Variants in C20orf203 observed in about 807,000 individuals in gnomAD.
The protein encoded by C20orf203 is chromosome 20 open reading frame 203, also known as uncharacterized protein C20orf203.
C20orf203 carries 16 observed loss-of-function variants against 15.9 expected under a neutral mutation model. The observed-to-expected ratio is 1.01, with a 90% CI of 0.68 to 1.53. C20orf203 has a LOEUF of 1.53. C20orf203 is among the 40% of genes most tolerant of loss of function. The pLI is 0.00. For synonymous variants in C20orf203, 98 were observed against 97.2 expected, an observed-to-expected ratio of 1.01 and a Z score of -0.05; for missense variants, 263 against 247.5, an observed-to-expected ratio of 1.06 and a Z score of -0.42.
In C20orf203 at chr20:32,651,168, TAAAAAAAA is replaced by T; in HGVS notation, c.-14-10_-14-3del. On this transcript the variant is annotated splice_polypyrimidine_tract_variant and splice_region_variant and intron_variant, in intron 2 of 5. Coordinates refer to ENST00000608990, the MANE Select transcript of C20orf203 (RefSeq NM_182584.4). ...TAGGAAACATAGGAGACCCTCTCTC[TAAAAAAAA>T]AAAAAAAAAAAAAAAAATTAGCTGG... 3.0e-5 allele frequency: 9 copies of T among 297,158 alleles called. No individual in the cohort carries two copies. Among genetic ancestry groups the T allele is most frequent in the South Asian group, 1.4e-4 (1 of 6,978 alleles). 18.4% of individuals were successfully genotyped at this position (297,158 alleles called of 1,614,324 possible). A position where few individuals can be genotyped will look rare whatever the true frequency, so the allele number is the denominator to read the frequency against.
intron 1 of C20orf203, among the ~76,000 whole-genome samples, chr20:32,664,976 G>A (rs1478964754): frequency 1.3e-5 from 2 of 152,258 alleles, no homozygotes; most frequent in Non-Finnish European, 2.9e-5. Context: ...AGCTGCCCCA[G>A]CAAAGCCCAA....
rs1982021922 is a variant in C20orf203 at position 32,632,395 on chromosome 20, AGG to A, written c.*3173_*3174del. 1 of 152,184 alleles carries A rather than the reference AGG, an allele frequency of 6.6e-6. No homozygotes were observed. The highest frequency in any genetic ancestry group is 1.5e-5 in the Non-Finnish European group (1 of 68,038). The allele number at this position is 152,184 out of a possible 1,614,324, so 9.4% of individuals were successfully genotyped here. ...TTTTTCGGCCAGCTACTGAAAACAA[AGG>A]GGTAAAATAATTCAAACAAAGCAAA... On this transcript the variant is annotated 3_prime_UTR_variant, in exon 6 of 6. Coordinates refer to ENST00000608990, the MANE Select transcript of C20orf203 (RefSeq NM_182584.4).
At chr20:32,658,847 A>T (rs1401597612) in intron 1 of C20orf203, among the ~76,000 whole-genome samples, 6 of 150,034 alleles carry the variant, frequency 4.0e-5, no homozygotes, top group Admixed American at 1.3e-4. Context: ...CCTAGACCCC[A>T]CTGCGGCTTC....
intron 1 of C20orf203, among the ~76,000 whole-genome samples, chr20:32,660,387 G>A (rs1020213210): frequency 2.0e-4 from 30 of 152,192 alleles, no homozygotes; most frequent in Admixed American, 1.2e-3. Context: ...GTCCAGGCCC[G>A]AGCTTACTCC....
chr20:32,646,135 T>C (rs1982420701), intron 4 of C20orf203, among the ~76,000 whole-genome samples: 1 of 151,758 alleles, frequency 6.6e-6, no homozygotes, highest in African/African-American at 2.4e-5. Flanking sequence ...AGGGTCAGTA[T>C]GAGGATTTTT....
chr20:32,646,406 A>G (rs1029279537), intron 4 of C20orf203, among the ~76,000 whole-genome samples: 1 of 152,032 alleles, frequency 6.6e-6, no homozygotes, highest in Non-Finnish European at 1.5e-5. Context: ...GGGTTTCACC[A>G]TGTTGCCCAG....
chr20:32,636,580 C>T (rs1003555694), intron 5 of C20orf203, among the ~76,000 whole-genome samples: 5 of 152,184 alleles, frequency 3.3e-5, no homozygotes, highest in African/African-American at 9.7e-5. Context: ...CGCAAGGCCC[C>T]TGTCATCCCT....
Position 32,650,723 on chromosome 20 carries a change from C to G in C20orf203, c.294G>C (p.Trp98Cys). The G allele has an allele frequency of 6.5e-7, 1 of 1,545,724 alleles. No homozygotes were observed. Among genetic ancestry groups the G allele is most frequent in the Non-Finnish European group, 8.7e-7 (1 of 1,144,302 alleles). ...CTTCCCCCCACCCCTCCCCACCAACCCAAATCCTTTCCTGATAAGGGCCTG... is the reference window on the plus strand; with the variant it reads ...CTTCCCCCCACCCCTCCCCACCAACGCAAATCCTTTCCTGATAAGGGCCTG... Reference protein sequence around the residue: ...QHPGPYQERIWVGGEGWGEVG... With the variant: ...QHPGPYQERICVGGEGWGEVG... Residue 98 changes from tryptophan (W) to cysteine (C), a missense_variant, in exon 4 of 6, where the codon TGG becomes TGC. Coordinates refer to ENST00000608990, the MANE Select transcript of C20orf203 (RefSeq NM_182584.4).
intron 1 of C20orf203, chr20:32,656,793 G>A (rs182346085): frequency 6.7e-6 from 1 of 150,314 alleles, no homozygotes; most frequent in East Asian, 2.0e-4. Context: ...GAGCCCCAGA[G>A]GCAGAGGTTG....
At chr20:32,645,012 G>A (rs928965519) in intron 4 of C20orf203, among the ~76,000 whole-genome samples, 1 of 151,894 alleles carries the variant, frequency 6.6e-6, no homozygotes, top group African/African-American at 2.4e-5. Flanking sequence ...CCCAAACCCT[G>A]TGCCACACCT....
chr20:32,643,923 CCA>C (rs1377928233), intron 4 of C20orf203, among the ~76,000 whole-genome samples: 1 of 152,186 alleles, frequency 6.6e-6, no homozygotes, highest in Non-Finnish European at 1.5e-5. Flanking sequence ...TTCACACTCA[CCA>C]CCATGAAAGC....
chr20:32,640,161 A>G (rs566860738), intron 5 of C20orf203, among the ~76,000 whole-genome samples: 1 of 152,372 alleles, frequency 6.6e-6, no homozygotes, highest in African/African-American at 2.4e-5. Flanking sequence ...ATAGGCCAAC[A>G]GAGTATAATT....
At chr20:32,663,481 T>C (rs372844567) in intron 1 of C20orf203, among the ~76,000 whole-genome samples, 1 of 152,150 alleles carries the variant, frequency 6.6e-6, no homozygotes, top group African/African-American at 2.4e-5. Context: ...TGCACACATA[T>C]ATACATATAT....
At chr20:32,671,093 T>C (rs1189179129) in intron 1 of C20orf203, among the ~76,000 whole-genome samples, 2 of 151,252 alleles carry the variant, frequency 1.3e-5, no homozygotes, top group Admixed American at 1.3e-4. Context: ...GAATGTTAAA[T>C]GGTGCAGCTG....
At chr20:32,666,422 G>C (rs1004956107) in intron 1 of C20orf203, among the ~76,000 whole-genome samples, 2 of 150,838 alleles carry the variant, frequency 1.3e-5, no homozygotes, top group African/African-American at 4.9e-5. Context: ...AGCCAAGATC[G>C]TGCCACTGCA....
At chr20:32,665,081 T>C (rs1166086172) in intron 1 of C20orf203, among the ~76,000 whole-genome samples, 3 of 152,224 alleles carry the variant, frequency 2.0e-5, no homozygotes, top group African/African-American at 7.2e-5. Flanking sequence ...TAAGTTCCCC[T>C]GATGGAGCTT....
At chr20:32,664,324 C>T (rs549957311) in intron 1 of C20orf203, among the ~76,000 whole-genome samples, 40 of 152,370 alleles carry the variant, frequency 2.6e-4, no homozygotes, top group African/African-American at 8.2e-4. Flanking sequence ...TTTCTCAGCA[C>T]AGGGTGAGAA....
chr20:32,640,712 A>T (rs779846281), intron 4 of C20orf203, 25 bp from the exon 5 acceptor site: 2 of 152,060 alleles, frequency 1.3e-5, no homozygotes, highest in Non-Finnish European at 2.9e-5. Flanking sequence ...AAAACAAACA[A>T]ACAAAAAAAA....
chr20:32,644,974 G>T (rs1043361216), intron 4 of C20orf203, among the ~76,000 whole-genome samples: 5 of 151,874 alleles, frequency 3.3e-5, no homozygotes, highest in Admixed American at 3.3e-4. Flanking sequence ...ATTGGGTTTG[G>T]CTCGCCAGCC....
Sources: gnomAD v4.1 joint callset for allele counts (sites outside exome capture counted in the v4.1 genomes callset) on GRCh38, gnomAD v4.1.1 for gene constraint, MANE v1.5 for transcripts, NCBI Gene and HGNC (gene_info 2026-07-23, HGNC 2026-07-21) for gene names.